NOL9: variants seen among roughly 807,000 people sequenced by gnomAD.
NOL9 encodes the protein nucleolar protein 9.
Under a neutral mutation model 67.9 loss-of-function variants are expected in NOL9, and 28 were observed. The observed-to-expected ratio is 0.41, with a 90% CI of 0.31 to 0.57. NOL9 has a LOEUF of 0.57. Ranked by LOEUF, NOL9 falls within the 20% of genes least tolerant of loss-of-function variation. The probability of loss-of-function intolerance (pLI) is 0.25; values close to 1 mark genes in which losing one functional copy is unlikely to be tolerated. For synonymous variants in NOL9, 356 were observed against 352.2 expected (o/e 1.01, Z -0.12); for missense variants, 777 against 897.0 (o/e 0.87, Z 1.71).
At chr1:6,533,199 T>C (rs1639073409) in intron 7 of NOL9, 81 bp downstream of exon 7, 1 of 1,403,188 alleles carries the variant, frequency 7.1e-7, no homozygotes, top group South Asian at 1.5e-5. Flanking sequence ...AACAAAACAC[T>C]GGGCTTTAAC....
intron 3 of NOL9, chr1:6,549,251 C>A (rs953647166): frequency 8.8e-6 from 2 of 227,916 alleles, no homozygotes; most frequent in Non-Finnish European, 8.8e-6. Context: ...AGTGAGACTC[C>A]GTCTCAAAAA....
chr1:6,532,196 C>G (rs926180973), intron 8 of NOL9, 117 bp from the exon 9 acceptor site: 19 of 832,616 alleles, frequency 2.3e-5, no homozygotes, highest in African/African-American at 5.1e-5. Flanking sequence ...ACACTGCCCC[C>G]CCTTGACGGA....
At chr1:6,532,790 T>TA (rs764338937) in intron 7 of NOL9, 30 bp from the exon 8 acceptor site, 5 of 1,586,430 alleles carry the variant, frequency 3.2e-6, no homozygotes, top group Non-Finnish European at 4.3e-6. Flanking sequence ...GCACAGCTGA[T>TA]ACACTCAAGA....
Position 6,525,392 on chromosome 1 carries a change from G to A in NOL9, c.*462C>T, listed in dbSNP as rs1005201522. ...AACCATCCACACTGGCTCCAAGGAA[G>A]CAGACCGCTGGACCCCAGCTCTGCA... On this transcript the variant is annotated 3_prime_UTR_variant, in exon 12 of 12. Coordinates refer to ENST00000377705, the MANE Select transcript of NOL9 (RefSeq NM_024654.5). 7.3e-5 allele frequency: 13 copies of A among 177,554 alleles called. No homozygotes were observed. The highest frequency in any genetic ancestry group is 1.3e-4 in the Non-Finnish European group (11 of 83,024). 11.0% of individuals were successfully genotyped at this position (177,554 alleles called of 1,614,324 possible).
At chr1:6,541,982 T>C in intron 5 of NOL9, 55 bp from the exon 6 acceptor site, 1 of 1,130,790 alleles carries the variant, frequency 8.8e-7, no homozygotes, top group African/African-American at 1.6e-5. Flanking sequence ...CTTTACTCAG[T>C]AGAAAGGATA....
intron 9 of NOL9, among the ~76,000 whole-genome samples, chr1:6,530,687 C>A (rs1203120288): frequency 1.3e-5 from 2 of 152,224 alleles, no homozygotes; most frequent in Non-Finnish European, 2.9e-5. Context: ...GCCGCTTCAG[C>A]CTATGTGACC....
At chr1:6,543,093 T>TA (rs1218878064) in intron 5 of NOL9, among the ~76,000 whole-genome samples, 2 of 149,672 alleles carry the variant, frequency 1.3e-5, no homozygotes, top group Admixed American at 6.6e-5. Context: ...AGGGTCTCAT[T>TA]ACGTTGCCCA....
At position 6,545,919 on chromosome 1, in the gene NOL9, C is replaced by CAAAAAA. The variant is rs66980518; in HGVS notation, c.745-745_745-740dup. 2.7e-3 allele frequency among the ~76,000 whole-genome samples: 160 copies of CAAAAAA among 59,454 alleles called. 6 individuals are homozygous for CAAAAAA. The highest frequency in any genetic ancestry group is 6.0e-3 in the East Asian group (9 of 1,490). The allele number at this position is 59,454 out of a possible 152,430, so 39.0% of individuals were successfully genotyped here. A position where few individuals can be genotyped will look rare whatever the true frequency, so the allele number is the denominator to read the frequency against. ...ACAGAGGGAGACTGTGTCTGTGTCT[C>CAAAAAA]AAAAAAAAAAAAAAAAAAAAAAAAG... On this transcript the variant is annotated intron_variant, in intron 3 of 11. Transcript: ENST00000377705.
intron 6 of NOL9, among the ~76,000 whole-genome samples, chr1:6,540,494 T>G (rs1639260722): frequency 6.6e-6 from 1 of 152,112 alleles, no homozygotes; most frequent in South Asian, 2.1e-4. Flanking sequence ...ATTTTTAAAT[T>G]TTTTGTAGAG....
rs1375210371 is a variant in NOL9, at chr1:6,521,756, T to A, written c.*4098A>T. On this transcript the variant is annotated 3_prime_UTR_variant, in exon 12 of 12. Transcript: ENST00000377705. ...ATGACCGTGAGTAGCACAGCCGTGG[T>A]GCCAGCCTCCTGAGTTTACCATCTC... is the stretch of plus-strand genomic sequence containing the variant. The A allele has an allele frequency of 1.3e-5, 2 of 152,194 alleles. No individual in the cohort carries two copies. Among genetic ancestry groups the A allele is most frequent in the African/African-American group, 2.4e-5 (1 of 41,452 alleles). 9.4% of individuals were successfully genotyped at this position (152,194 alleles called of 1,614,324 possible). A position where few individuals can be genotyped will look rare whatever the true frequency, so the allele number is the denominator to read the frequency against.
chr1:6,552,740 G>C (rs535443326), intron 1 of NOL9, among the ~76,000 whole-genome samples: 2 of 152,346 alleles, frequency 1.3e-5, no homozygotes, highest in African/African-American at 4.8e-5. Flanking sequence ...AAAGTGCTGG[G>C]ATTACAGGCG....
intron 3 of NOL9, 111 bp from the exon 4 acceptor site, chr1:6,545,291 C>T (rs1639395361): frequency 9.3e-7 from 1 of 1,079,716 alleles, no homozygotes; most frequent in Non-Finnish European, 1.3e-6. Context: ...ATTGTTTCCT[C>T]CCTTTGTCTC....
At chr1:6,534,125 G>A (rs1639096617) in intron 6 of NOL9, among the ~76,000 whole-genome samples, 1 of 152,124 alleles carries the variant, frequency 6.6e-6, no homozygotes, top group Non-Finnish European at 1.5e-5. Flanking sequence ...AACCTCAGGT[G>A]ATCCACCCAC....
chr1:6,545,387 C>A (rs913473490), intron 3 of NOL9, among the ~76,000 whole-genome samples: 1 of 152,142 alleles, frequency 6.6e-6, no homozygotes, highest in Non-Finnish European at 1.5e-5. Context: ...TGCTTTCTCT[C>A]GAGCCTTCAC....
At chr1:6,549,484 C>A in intron 3 of NOL9, 87 bp downstream of exon 3, 1 of 1,482,108 alleles carries the variant, frequency 6.7e-7, no homozygotes. Flanking sequence ...ACCAACTGTT[C>A]TTCCAAGACA....
chr1:6,550,034 A>G (rs537471428), intron 2 of NOL9, among the ~76,000 whole-genome samples: 1 of 67,610 alleles, frequency 1.5e-5, no homozygotes, highest in East Asian at 4.6e-4. Flanking sequence ...AGCATCTAAA[A>G]TAATTTTTTT....
intron 3 of NOL9, chr1:6,548,090 C>T (rs572560027): frequency 9.7e-4 from 218 of 225,112 alleles, no homozygotes; most frequent in Middle Eastern, 7.1e-3. Context: ...TTTGCATTGG[C>T]GTGGCCCAGG....
chr1:6,539,720 G>A (rs1050803933), intron 6 of NOL9, among the ~76,000 whole-genome samples: 2 of 152,172 alleles, frequency 1.3e-5, no homozygotes, highest in Non-Finnish European at 2.9e-5. Context: ...CCAGGCTCAA[G>A]CAATCTGCCG....
intron 3 of NOL9, chr1:6,548,628 T>A: frequency 2.8e-6 from 1 of 360,912 alleles, no homozygotes. Flanking sequence ...AAATAAAAAA[T>A]GAAGCCTTTT....
Sources: allele counts gnomAD v4.1 joint callset (sites outside exome capture counted in the v4.1 genomes callset), GRCh38; gene constraint gnomAD v4.1.1; transcripts MANE v1.5; gene names NCBI Gene and HGNC (gene_info 2026-07-23, HGNC 2026-07-21).